Variants in ASAP1 observed in about 807,000 individuals in gnomAD.
The protein encoded by ASAP1 is ArfGAP with SH3 domain, ankyrin repeat and PH domain 1, also known as arf-GAP with SH3 domain, ANK repeat and PH domain-containing protein 1.
ASAP1 carries 43 observed loss-of-function variants against 145.2 expected under a neutral mutation model. That is an observed-to-expected ratio of 0.30 (90% confidence interval 0.23 to 0.38). The LOEUF (loss-of-function observed/expected upper bound fraction) is 0.38. Among genes scored for constraint, ASAP1 ranks in the 10% least tolerant of loss-of-function variants. The pLI is 1.00. For synonymous variants in ASAP1, 546 were observed against 515.5 expected (o/e 1.06, Z -0.80); for missense variants, 1,018 against 1,355.3 (o/e 0.75, Z 3.91).
At chr8:130,062,879 C>A (rs922299932) in intron 27 of ASAP1, among the ~76,000 whole-genome samples, 1 of 152,138 alleles carries the variant, frequency 6.6e-6, no homozygotes, top group African/African-American at 2.4e-5. Flanking sequence ...GAGACTGAGA[C>A]TGGAGGATTG....
At chr8:130,356,538 AAAAAAAG>A (rs1826319667) in intron 3 of ASAP1, among the ~76,000 whole-genome samples, 1 of 152,100 alleles carries the variant, frequency 6.6e-6, no homozygotes, top group Non-Finnish European at 1.5e-5. Flanking sequence ...ACAAAGACAA[AAAAAAAG>A]AAAAAAGAAA....
chr8:130,280,065 T>G (rs1052760007), intron 3 of ASAP1, among the ~76,000 whole-genome samples: 1 of 152,178 alleles, frequency 6.6e-6, no homozygotes, highest in Non-Finnish European at 1.5e-5. Flanking sequence ...CAAAAAGAGA[T>G]AGGCAGAGGT....
chr8:130,347,681 C>G (rs1026545448), intron 3 of ASAP1, among the ~76,000 whole-genome samples: 1 of 152,156 alleles, frequency 6.6e-6, no homozygotes, highest in Non-Finnish European at 1.5e-5. Context: ...CTGACTGGAG[C>G]AAGGGTGGTC....
Position 130,253,752 on chromosome 8 carries a change from C to T in ASAP1, c.187-16758G>A, listed in dbSNP as rs76409721. ...CAAATGAGATGTACAAAAGTTTGGG[C>T]ACCACTGCTATTAAGGAAGTTAAGA... On this transcript the variant is annotated intron_variant, in intron 3 of 29. Coordinates refer to ENST00000518721, the MANE Select transcript of ASAP1 (RefSeq NM_018482.4). Among the ~76,000 whole-genome samples the T allele has an allele frequency of 1.4e-3, 207 of 152,260 alleles. 3 individuals carry two copies. The East Asian group carries it at 0.031, about 23-fold the overall frequency.
At chr8:130,273,601 TTCTCTGGGTA>T (rs1308132636) in intron 3 of ASAP1, among the ~76,000 whole-genome samples, 1 of 152,210 alleles carries the variant, frequency 6.6e-6, no homozygotes. Context: ...TGGTATCTGC[TTCTCTGGGTA>T]TCTCTGGGCA....
At chr8:130,154,335 A>G (rs1208186028) in intron 12 of ASAP1, among the ~76,000 whole-genome samples, 1 of 152,234 alleles carries the variant, frequency 6.6e-6, no homozygotes, top group Non-Finnish European at 1.5e-5. Context: ...GAAGGATAAA[A>G]AAAGCCAAAG....
chr8:130,217,458 T>TGTATATATACAC (rs1190513012), intron 4 of ASAP1, among the ~76,000 whole-genome samples: 8 of 152,034 alleles, frequency 5.3e-5, no homozygotes, highest in Admixed American at 5.2e-4. Context: ...TGTGTATATA[T>TGTATATATACAC]GTATATATAC....
At position 130,052,736 on chromosome 8, in the gene ASAP1, T is replaced by G. The variant is rs1198378064; in HGVS notation, c.*1995A>C. On this transcript the variant is annotated 3_prime_UTR_variant, in exon 30 of 30. Coordinates refer to ENST00000518721, the MANE Select transcript of ASAP1 (RefSeq NM_018482.4). ...CTTTTGTGTTTTTTTTTTGTTTTTG[T>G]TTTTTTTTTTTTTTTGAAAAAAACC... 2 of 64,926 alleles carry G rather than the reference T, an allele frequency of 3.1e-5. No homozygotes were observed. Among genetic ancestry groups the G allele is most frequent in the Non-Finnish European group, 4.3e-5 (1 of 23,370 alleles). 4.0% of individuals were successfully genotyped at this position (64,926 alleles called of 1,614,324 possible).
intron 3 of ASAP1, among the ~76,000 whole-genome samples, chr8:130,271,976 G>A (rs1189788939): frequency 1.3e-5 from 2 of 152,054 alleles, no homozygotes; most frequent in African/African-American, 4.8e-5. Flanking sequence ...GTTGAATGAT[G>A]AAGAAATAAA....
intron 5 of ASAP1, among the ~76,000 whole-genome samples, chr8:130,206,957 T>C (rs1816264262): frequency 6.6e-6 from 1 of 152,152 alleles, no homozygotes; most frequent in Admixed American, 6.5e-5. Flanking sequence ...GCTTAGCAAG[T>C]AATGATTTTA....
intron 18 of ASAP1, among the ~76,000 whole-genome samples, chr8:130,120,281 T>C (rs146297773): frequency 1.8e-4 from 28 of 152,348 alleles, no homozygotes; most frequent in Non-Finnish European, 3.2e-4. Context: ...ATGTGTCTTA[T>C]ATAAAGTGTG....
At chr8:130,185,114 C>T (rs1814630028) in intron 7 of ASAP1, among the ~76,000 whole-genome samples, 1 of 152,062 alleles carries the variant, frequency 6.6e-6, no homozygotes. Context: ...AGCATAAGTC[C>T]CAGTACATCA....
rs867580496 is a variant in ASAP1 at position 130,194,818 on chromosome 8, C to T, written c.406-6635G>A. ...GTAATGCTTGCTCACCCACCGCTCA[C>T]CTCCTGCTATGCAGCAAGGTTCCTA... On this transcript the variant is annotated intron_variant, in intron 5 of 29. Transcript: ENST00000518721. 2.6e-5 allele frequency among the ~76,000 whole-genome samples: 4 copies of T among 152,130 alleles called. No homozygotes were observed. The South Asian group carries it at 8.3e-4, about 32-fold the overall frequency.
intron 25 of ASAP1, among the ~76,000 whole-genome samples, chr8:130,085,095 T>G (rs2097489719): frequency 6.6e-6 from 1 of 152,134 alleles, no homozygotes; most frequent in African/African-American, 2.4e-5. Context: ...GTTTCCCACG[T>G]GCACTGCAGA....
chr8:130,108,861 C>T (rs1408384043), intron 24 of ASAP1, among the ~76,000 whole-genome samples: 4 of 149,378 alleles, frequency 2.7e-5, no homozygotes, highest in African/African-American at 4.9e-5. Flanking sequence ...CCACAACCTC[C>T]GCCTCCCAGG....
At chr8:130,161,536 T>A (rs1462756100) in intron 11 of ASAP1, among the ~76,000 whole-genome samples, 2 of 152,188 alleles carry the variant, frequency 1.3e-5, no homozygotes, top group East Asian at 1.9e-4. Context: ...ACGCTCACAC[T>A]CTCACCATAT....
At chr8:130,300,184 A>AGAGAGAGAGAGCGAGCGAGC (rs761456724) in intron 3 of ASAP1, among the ~76,000 whole-genome samples, 4 of 140,360 alleles carry the variant, frequency 2.8e-5, no homozygotes, top group African/African-American at 1.1e-4. Flanking sequence ...AGAGAGAGAG[A>AGAGAGAGAGAGCGAGCGAGC]GAGCGAGCGA....
intron 27 of ASAP1, among the ~76,000 whole-genome samples, chr8:130,068,060 A>C (rs1173641796): frequency 6.6e-6 from 1 of 152,220 alleles, no homozygotes; most frequent in Admixed American, 6.5e-5. Context: ...GTGGTCACCC[A>C]GGGTATGAAG....
rs540993696 is a variant in ASAP1 at position 130,111,452 on chromosome 8, C to A, written c.2401+642G>T. Among the ~76,000 whole-genome samples, 49 of 152,168 alleles carry A rather than the reference C, an allele frequency of 3.2e-4. 1 individual carries two copies. The South Asian group carries it at 8.7e-3, about 27-fold the overall frequency. On this transcript the variant is annotated intron_variant, in intron 24 of 29. Transcript: ENST00000518721. ...GTCACACAGAACCTGGGTTAGAATC[C>A]CAGGCTGAGAACTACAGGCCAATTA...
Sources: allele counts gnomAD v4.1 joint callset (sites outside exome capture counted in the v4.1 genomes callset), GRCh38; gene constraint gnomAD v4.1.1; transcripts MANE v1.5; gene names NCBI Gene and HGNC (gene_info 2026-07-23, HGNC 2026-07-21).